Variants in SPINK5 observed in about 807,000 individuals in gnomAD.
SPINK5 encodes the protein serine peptidase inhibitor Kazal type 5.
SPINK5 carries 125 observed loss-of-function variants against 151.8 expected under a neutral mutation model. That is an observed-to-expected ratio of 0.82 (90% CI 0.71 to 0.96). SPINK5 has a LOEUF of 0.96. Among genes scored for constraint, SPINK5 ranks in the 40% least tolerant of loss-of-function variants. SPINK5 has a pLI of 0.00. For synonymous variants in SPINK5, 374 were observed against 395.3 expected, an observed-to-expected ratio of 0.95 and a Z score of 0.64; for missense variants, 1,194 against 1,291.9, an observed-to-expected ratio of 0.92 and a Z score of 1.16.
intron 15 of SPINK5, among the ~76,000 whole-genome samples, chr5:148,104,535 T>C (rs181443967): frequency 2.6e-4 from 39 of 152,310 alleles, no homozygotes; most frequent in African/African-American, 8.9e-4. Context: ...TATTTGGCAG[T>C]GTTTGAGAAT....
chr5:148,114,553 A>G, intron 21 of SPINK5, 64 bp downstream of exon 21: 1 of 1,603,696 alleles, frequency 6.2e-7, no homozygotes, highest in Non-Finnish European at 8.5e-7. Context: ...GAGCCAGGCA[A>G]ATAATATGTA....
intron 21 of SPINK5, among the ~76,000 whole-genome samples, chr5:148,115,209 A>G (rs1041865098): frequency 6.6e-6 from 1 of 152,222 alleles, no homozygotes; most frequent in African/African-American, 2.4e-5. Flanking sequence ...GACATGACAG[A>G]AAGTAATGAG....
chr5:148,128,762 A>G lies in SPINK5; in HGVS notation c.2964+1683A>G, dbSNP rs184779530. ...ATGGTCTCGATCTCCTGACCTCGTGATCCGCCCGCCTCGGCCTCCCAAAGT... is the reference window on the plus strand; with the variant it reads ...ATGGTCTCGATCTCCTGACCTCGTGGTCCGCCCGCCTCGGCCTCCCAAAGT... On this transcript the variant is annotated intron_variant, in intron 30 of 32. Coordinates refer to ENST00000256084, the MANE Select transcript of SPINK5 (RefSeq NM_006846.4). Among the ~76,000 whole-genome samples the G allele has an allele frequency of 3.0e-3, 460 of 152,186 alleles. 14 individuals carry two copies. In the East Asian group the frequency reaches 0.078, roughly 26 times the overall value.
In SPINK5 at chr5:148,122,866, A is replaced by ATTTTTTT. The variant is rs111936279; in HGVS notation, c.2539-954_2539-948dup. Among the ~76,000 whole-genome samples the ATTTTTTT allele has an allele frequency of 7.0e-5, 9 of 127,796 alleles. 1 individual carries two copies. The highest frequency in any genetic ancestry group is 2.5e-4 in the Admixed American group (3 of 12,058). The allele number at this position is 127,796 out of a possible 152,430, so 83.8% of individuals were successfully genotyped here. ...ACACGATAAAGCACCTCGCACAATA[A>ATTTTTTT]TTTTTTTTTTTTTTTTTTTGGTAAA... is the stretch of plus-strand genomic sequence containing the variant. On this transcript the variant is annotated intron_variant, in intron 26 of 32. Coordinates refer to ENST00000256084, the MANE Select transcript of SPINK5 (RefSeq NM_006846.4).
At chr5:148,117,465 G>A (rs1363722) in intron 22 of SPINK5, among the ~76,000 whole-genome samples, 81,938 of 151,476 alleles carry the variant, frequency 0.54, 23,256 homozygotes, top group Admixed American at 0.64. Flanking sequence ...TGGGCTTTGT[G>A]GGTCATATGA....
Position 148,111,871 on chromosome 5 carries a change from C to G in SPINK5, c.1796C>G (p.Thr599Ser). 1.2e-6 allele frequency: 2 copies of G among 1,614,014 alleles called. No individual in the cohort carries two copies. Among genetic ancestry groups the G allele is most frequent in the Non-Finnish European group, 1.7e-6 (2 of 1,179,922 alleles). ...CTAGATGGGAAAATCCACGGCAACA[C>G]CTGCTCCATGTGTGAAGCCTTCTTG... ...EGLDGKIHGN[T>S]CSMCEAFFQQ... Residue 599 changes from threonine (T) to serine (S), a missense_variant, in exon 19 of 33, where the codon ACC (threonine) becomes AGC (serine). By Grantham distance (58) the Thr-to-Ser change is moderately conservative. Coordinates refer to ENST00000256084, the MANE Select transcript of SPINK5 (RefSeq NM_006846.4).
intron 11 of SPINK5, among the ~76,000 whole-genome samples, 162 bp downstream of exon 11, chr5:148,098,156 A>G (rs1287580841): frequency 5.9e-5 from 9 of 152,046 alleles, no homozygotes; most frequent in Admixed American, 6.6e-5. Flanking sequence ...GTAAGTACCT[A>G]GAGTTATTTG....
intron 10 of SPINK5, among the ~76,000 whole-genome samples, chr5:148,097,350 T>C (rs1753497558): frequency 6.6e-6 from 1 of 152,022 alleles, no homozygotes. Context: ...ATTATTCTCT[T>C]TATCCAACTA....
At chr5:148,068,174 C>T (rs189138520) in intron 2 of SPINK5, among the ~76,000 whole-genome samples, 36 of 152,200 alleles carry the variant, frequency 2.4e-4, no homozygotes, top group African/African-American at 8.4e-4. Flanking sequence ...AGTTATTAAT[C>T]TGTGTCCAGA....
In SPINK5 at chr5:148,101,916, G is replaced by C. The variant is rs773793214; in HGVS notation, c.1430+8G>C. 8.7e-6 allele frequency: 14 copies of C among 1,613,470 alleles called. No individual in the cohort carries two copies. Among genetic ancestry groups the C allele is most frequent in the East Asian group, 6.7e-5 (3 of 44,846 alleles). On this transcript the variant is annotated splice_region_variant and intron_variant, in intron 15 of 32. Transcript: ENST00000256084. ...CATGTGTGAGGCCTTCTTGTGAGTA[G>C]AGCAGTAGCCCCATAGCGTCTGAGG... is the stretch of plus-strand genomic sequence containing the variant.
At chr5:148,101,713 T>A in intron 14 of SPINK5, 68 bp from the exon 15 acceptor site, 1 of 1,610,036 alleles carries the variant, frequency 6.2e-7, no homozygotes, top group Non-Finnish European at 8.5e-7. Flanking sequence ...AAGTACAAGC[T>A]TTAGCTATTT....
At chr5:148,124,658 CAG>C in intron 27 of SPINK5, 105 bp from the exon 28 acceptor site, 1 of 754,070 alleles carries the variant, frequency 1.3e-6, no homozygotes, top group African/African-American at 1.8e-5. Context: ...TATAAGAAAA[CAG>C]TGTTAGATTT....
chr5:148,129,293 TTA>T (rs1754515201), intron 30 of SPINK5, among the ~76,000 whole-genome samples: 1 of 152,200 alleles, frequency 6.6e-6, no homozygotes, highest in Non-Finnish European at 1.5e-5. Context: ...ATGATTTGAT[TTA>T]TGTTTTAAAG....
Position 148,116,462 on chromosome 5 carries a change from C to T in SPINK5, c.2108C>T (p.Thr703Ile), listed in dbSNP as rs1398660016. ...HGSSGGGGGN[T>I]QDECAEYREQ... is the part of the protein sequence containing the mutation. ...TCCAGTGGTGGTGGAGGAGGAAACACTCAGGTGAGAGCAACCTCTAATTTC... is the reference window on the plus strand; with the variant it reads ...TCCAGTGGTGGTGGAGGAGGAAACATTCAGGTGAGAGCAACCTCTAATTTC... The change falls in exon 22 of 33, where the codon ACT (threonine) becomes ATT (isoleucine). Residue 703 changes from threonine (T) to isoleucine (I), a missense_variant. Transcript: ENST00000256084. The T allele has an allele frequency of 1.2e-5, 19 of 1,614,058 alleles. No homozygotes were observed. The highest frequency in any genetic ancestry group is 2.2e-5 in the East Asian group (1 of 44,882).
chr5:148,123,062 A>T (rs1485354962), intron 26 of SPINK5, among the ~76,000 whole-genome samples: 1 of 151,782 alleles, frequency 6.6e-6, no homozygotes, highest in Non-Finnish European at 1.5e-5. Flanking sequence ...TTAAAATGAG[A>T]TGGGACAGGG....
intron 7 of SPINK5, 113 bp from the exon 8 acceptor site, chr5:148,091,052 G>A (rs964760699): frequency 1.5e-5 from 13 of 888,038 alleles, no homozygotes; most frequent in Admixed American, 8.0e-5. Flanking sequence ...TCTTGTAAGA[G>A]GATCATTTTC....
intron 19 of SPINK5, among the ~76,000 whole-genome samples, chr5:148,112,655 G>C (rs1467256490): frequency 6.7e-6 from 1 of 149,794 alleles, no homozygotes; most frequent in Non-Finnish European, 1.5e-5. Context: ...CCTGGCAACA[G>C]AGTGAGACTC....
intron 4 of SPINK5, among the ~76,000 whole-genome samples, chr5:148,072,712 C>T (rs1752771703): frequency 1.5e-5 from 1 of 68,738 alleles, no homozygotes. Context: ...GCATTTGACT[C>T]ATTCTGTTTC....
At chr5:148,076,860 G>A (rs557755939) in intron 4 of SPINK5, among the ~76,000 whole-genome samples, 12 of 151,614 alleles carry the variant, frequency 7.9e-5, no homozygotes, top group African/African-American at 2.9e-4. Flanking sequence ...GCAGATTTGT[G>A]AATCCTTAAA....
Sources: allele counts gnomAD v4.1 joint callset (sites outside exome capture counted in the v4.1 genomes callset), GRCh38; gene constraint gnomAD v4.1.1; transcripts MANE v1.5; gene names NCBI Gene and HGNC (gene_info 2026-07-23, HGNC 2026-07-21).